Variants in PCDH15 observed in about 807,000 individuals in gnomAD.
PCDH15 encodes protocadherin related 15.
PCDH15 carries 129 observed loss-of-function variants against 178.5 expected under a neutral mutation model. The ratio of observed to expected loss-of-function variants is 0.72; its 90% CI spans 0.63 to 0.84. The LOEUF (loss-of-function observed/expected upper bound fraction) is 0.84. Ranked by LOEUF, PCDH15 falls within the 40% of genes least tolerant of loss-of-function variation. The probability of loss-of-function intolerance (pLI) is 0.00; values close to 1 mark genes in which losing one functional copy is unlikely to be tolerated. For missense variants in PCDH15, 2,230 were observed against 2,099.9 expected, an observed-to-expected ratio of 1.06 and a Z score of -1.21; for synonymous variants, 800 against 732.0, an observed-to-expected ratio of 1.09 and a Z score of -1.50.
intron 8 of PCDH15, among the ~76,000 whole-genome samples, chr10:54,274,610 G>A (rs1561670): frequency 0.51 from 68,188 of 134,202 alleles, 17,260 homozygotes; most frequent in Middle Eastern, 0.61. Context: ...ACAAAACTCA[G>A]TTTAATTGTG....
intron 1 of PCDH15, among the ~76,000 whole-genome samples, chr10:55,180,659 A>G (rs1839624458): frequency 6.6e-6 from 1 of 152,170 alleles, no homozygotes; most frequent in Non-Finnish European, 1.5e-5. Context: ...ACAAAAACAC[A>G]GAAACTATAA....
At chr10:55,439,888 C>T (rs1204694630) in intron 2 of PCDH15, among the ~76,000 whole-genome samples, 3 of 152,006 alleles carry the variant, frequency 2.0e-5, no homozygotes, top group African/African-American at 7.2e-5. Context: ...TAAAATAAAA[C>T]TCTAAAATTT....
intron 2 of PCDH15, among the ~76,000 whole-genome samples, chr10:55,587,887 A>G (rs1472376948): frequency 6.6e-6 from 1 of 152,170 alleles, no homozygotes; most frequent in East Asian, 1.9e-4. Flanking sequence ...TGTTGAATTG[A>G]ACCAGAATAA....
chr10:54,966,468 T>C (rs945944361), intron 2 of PCDH15, among the ~76,000 whole-genome samples: 3 of 152,144 alleles, frequency 2.0e-5, no homozygotes, highest in Non-Finnish European at 4.4e-5. Context: ...TTACATGGTA[T>C]AGCCTATTGC....
At chr10:54,077,628 C>A (rs964255950) in intron 17 of PCDH15, among the ~76,000 whole-genome samples, 3 of 152,134 alleles carry the variant, frequency 2.0e-5, no homozygotes, top group Non-Finnish European at 2.9e-5. Context: ...ATTTCTCCTT[C>A]TCCTCCTTAG....
chr10:54,636,470 A>T (rs2093855891), intron 2 of PCDH15, among the ~76,000 whole-genome samples: 1 of 151,972 alleles, frequency 6.6e-6, no homozygotes, highest in African/African-American at 2.4e-5. Context: ...AATTGTATTT[A>T]ATTTGCATAT....
intron 8 of PCDH15, among the ~76,000 whole-genome samples, chr10:54,261,429 T>C (rs1457775331): frequency 6.6e-6 from 1 of 151,876 alleles, no homozygotes; most frequent in Non-Finnish European, 1.5e-5. Context: ...ATATTGCTAA[T>C]TGAAAAAGAC....
chr10:55,329,985 C>T (rs968538089), intron 2 of PCDH15, among the ~76,000 whole-genome samples: 2 of 151,792 alleles, frequency 1.3e-5, no homozygotes, highest in African/African-American at 4.8e-5. Context: ...AGTCACATTA[C>T]TTTCTTTCAC....
At chr10:55,249,708 A>G (rs1325654806) in intron 1 of PCDH15, among the ~76,000 whole-genome samples, 1 of 152,144 alleles carries the variant, frequency 6.6e-6, no homozygotes, top group Non-Finnish European at 1.5e-5. Context: ...ATTTCCATGT[A>G]AAAGTTAACA....
At chr10:55,291,489 T>G (rs1564974428) in intron 1 of PCDH15, among the ~76,000 whole-genome samples, 1 of 152,210 alleles carries the variant, frequency 6.6e-6, no homozygotes, top group Non-Finnish European at 1.5e-5. Flanking sequence ...TTATACAATT[T>G]AAAAGATCAA....
At chr10:54,290,723 T>C (rs869301708) in intron 8 of PCDH15, among the ~76,000 whole-genome samples, 1 of 151,716 alleles carries the variant, frequency 6.6e-6, no homozygotes, top group Non-Finnish European at 1.5e-5. Context: ...AATGGAAAGC[T>C]AAAAAAAGCA....
At chr10:54,702,543 C>CAAAAA (rs375110960) in intron 1 of PCDH15, among the ~76,000 whole-genome samples, 17 of 125,672 alleles carry the variant, frequency 1.4e-4, no homozygotes, top group East Asian at 4.7e-4. Context: ...CACAGAAATA[C>CAAAAA]AAAAAAAAAA....
At chr10:55,565,770 C>T (rs1346384905) in intron 2 of PCDH15, among the ~76,000 whole-genome samples, 1 of 151,542 alleles carries the variant, frequency 6.6e-6, no homozygotes, top group Non-Finnish European at 1.5e-5. Flanking sequence ...AGATATAAAA[C>T]TTACCAACAC....
chr10:53,990,952 C>T (rs990431063), intron 21 of PCDH15, among the ~76,000 whole-genome samples: 3 of 152,120 alleles, frequency 2.0e-5, no homozygotes, highest in East Asian at 3.9e-4. Flanking sequence ...GTTTAGCACC[C>T]GGGCCGGCAG....
At chr10:54,813,489 G>A (rs760524761) in intron 3 of PCDH15, among the ~76,000 whole-genome samples, 61 of 152,322 alleles carry the variant, frequency 4.0e-4, no homozygotes, top group Non-Finnish European at 7.5e-4. Context: ...AGTTGCTGGA[G>A]TCAAAAATCT....
At chr10:54,925,638 C>A (rs1434915393) in intron 2 of PCDH15, among the ~76,000 whole-genome samples, 2 of 152,022 alleles carry the variant, frequency 1.3e-5, no homozygotes, top group Admixed American at 1.3e-4. Context: ...TTTTGTAGTT[C>A]TTCTTGCAGA....
At chr10:55,589,929 G>C (rs1842806877) in intron 2 of PCDH15, among the ~76,000 whole-genome samples, 1 of 147,626 alleles carries the variant, frequency 6.8e-6, no homozygotes, top group African/African-American at 2.5e-5. Flanking sequence ...TCTAGAACTA[G>C]AAATACCATT....
At chr10:54,841,046 C>A (rs1310907226) in intron 3 of PCDH15, among the ~76,000 whole-genome samples, 3 of 151,786 alleles carry the variant, frequency 2.0e-5, no homozygotes, top group Admixed American at 2.0e-4. Flanking sequence ...AAACAGCAGA[C>A]TTTAATAATA....
intron 20 of PCDH15, among the ~76,000 whole-genome samples, chr10:53,998,913 A>G (rs1197887545): frequency 2.0e-5 from 3 of 151,924 alleles, no homozygotes; most frequent in Non-Finnish European, 4.4e-5. Context: ...TAAGCCTGGC[A>G]TGGTGGCGGG....
Sources: allele counts gnomAD v4.1 joint callset (sites outside exome capture counted in the v4.1 genomes callset), GRCh38; gene constraint gnomAD v4.1.1; transcripts MANE v1.5; gene names NCBI Gene and HGNC (gene_info 2026-07-23, HGNC 2026-07-21).